Variants in EIF2B3 observed in about 807,000 individuals in gnomAD.
The protein encoded by EIF2B3 is eukaryotic translation initiation factor 2B subunit gamma, also known as translation initiation factor eIF2B subunit gamma.
Under a neutral mutation model 54.1 loss-of-function variants are expected in EIF2B3, and 20 were observed. That is an observed-to-expected ratio of 0.37 (90% CI 0.26 to 0.54). The LOEUF (loss-of-function observed/expected upper bound fraction) is 0.54, where lower values mean the gene tolerates loss of function less well. Ranked by LOEUF, EIF2B3 falls within the 20% of genes least tolerant of loss-of-function variation. The pLI, the probability that EIF2B3 is intolerant of heterozygous loss-of-function variation, is 0.86. For missense variants in EIF2B3, 448 were observed against 547.8 expected (o/e 0.82, Z 1.82); for synonymous variants, 153 against 188.1 (o/e 0.81, Z 1.52).
At chr1:44,871,783 G>A (rs1343425555) in intron 10 of EIF2B3, among the ~76,000 whole-genome samples, 3 of 152,124 alleles carry the variant, frequency 2.0e-5, no homozygotes, top group Non-Finnish European at 4.4e-5. Flanking sequence ...AGGGTAGTTG[G>A]GGAAGGTTCC....
intron 11 of EIF2B3, among the ~76,000 whole-genome samples, chr1:44,852,114 AATTTTTTTT>A (rs1394149271): frequency 1.4e-5 from 2 of 146,280 alleles, no homozygotes; most frequent in East Asian, 4.2e-4. Context: ...ACACATGGCT[AATTTTTTTT>A]TTTTTTTTTT....
intron 3 of EIF2B3, among the ~76,000 whole-genome samples, chr1:44,974,258 T>A (rs1185573796): frequency 6.6e-6 from 1 of 151,438 alleles, no homozygotes; most frequent in Admixed American, 6.6e-5. Context: ...GGGTATCACT[T>A]CTGTCCAGGA....
At chr1:44,879,149 G>C (rs1326928127) in intron 8 of EIF2B3, among the ~76,000 whole-genome samples, 1 of 151,798 alleles carries the variant, frequency 6.6e-6, no homozygotes, top group Non-Finnish European at 1.5e-5. Flanking sequence ...CTTCCTCCTG[G>C]GCCTACTATA....
rs1358287073 is a variant in EIF2B3 at position 44,850,664 on chromosome 1, T to A, written c.*287A>T. ...AAGTAGCCTTCCTAGGAGCTTTACA[T>A]TGGACAGCTGCTGCCCCACCGATAC... On this transcript the variant is annotated 3_prime_UTR_variant, in exon 12 of 12. Transcript: ENST00000360403. 2.0e-6 allele frequency: 1 copy of A among 494,796 alleles called. No individual in the cohort carries two copies. Among genetic ancestry groups the A allele is most frequent in the East Asian group, 3.6e-5 (1 of 27,536 alleles). The allele number at this position is 494,796 out of a possible 1,614,324, so 30.7% of individuals were successfully genotyped here.
intron 6 of EIF2B3, among the ~76,000 whole-genome samples, chr1:44,885,498 T>C (rs1655545551): frequency 6.6e-6 from 1 of 152,174 alleles, no homozygotes; most frequent in South Asian, 2.1e-4. Flanking sequence ...ATTGGCAACA[T>C]TATAGCAAAA....
intron 1 of EIF2B3, among the ~76,000 whole-genome samples, chr1:44,984,794 C>CTTTTT (rs1644552141): frequency 4.4e-5 from 4 of 90,802 alleles, no homozygotes; most frequent in African/African-American, 2.1e-4. Context: ...AAATAATGTC[C>CTTTTT]ATCTTTTTTT....
chr1:44,985,585 A>G (rs1258993482), intron 1 of EIF2B3, among the ~76,000 whole-genome samples: 1 of 152,222 alleles, frequency 6.6e-6, no homozygotes, highest in African/African-American at 2.4e-5. Context: ...ACAACTGTAT[A>G]AGAGTCAAAC....
chr1:44,908,639 T>C (rs1250804050), intron 5 of EIF2B3, among the ~76,000 whole-genome samples: 1 of 152,196 alleles, frequency 6.6e-6, no homozygotes, highest in Non-Finnish European at 1.5e-5. Context: ...CATGATTAGA[T>C]AACTGAGGGC....
At chr1:44,955,015 G>T (rs1244973555) in intron 3 of EIF2B3, among the ~76,000 whole-genome samples, 1 of 152,184 alleles carries the variant, frequency 6.6e-6, no homozygotes, top group African/African-American at 2.4e-5. Flanking sequence ...TTATGTGACA[G>T]ATTATGTTTA....
intron 1 of EIF2B3, among the ~76,000 whole-genome samples, chr1:44,986,203 G>C (rs1203495686): frequency 6.6e-6 from 1 of 150,532 alleles, no homozygotes; most frequent in Admixed American, 6.6e-5. Flanking sequence ...GCAGTGGCGC[G>C]AATTAGGCTC....
intron 11 of EIF2B3, among the ~76,000 whole-genome samples, chr1:44,854,094 C>T (rs1229115673): frequency 2.6e-5 from 4 of 151,660 alleles, no homozygotes; most frequent in Non-Finnish European, 5.9e-5. Flanking sequence ...CCTCCGCCTC[C>T]CAGGTTCAAG....
intron 3 of EIF2B3, among the ~76,000 whole-genome samples, chr1:44,956,501 A>G (rs767859283): frequency 6.6e-6 from 1 of 152,140 alleles, no homozygotes; most frequent in Non-Finnish European, 1.5e-5. Flanking sequence ...AAAAAAATCA[A>G]TAGAAACCAC....
At chr1:44,901,019 A>C (rs1436974661) in intron 5 of EIF2B3, among the ~76,000 whole-genome samples, 1 of 152,058 alleles carries the variant, frequency 6.6e-6, no homozygotes, top group Non-Finnish European at 1.5e-5. Context: ...CATGATCAAA[A>C]CTGCAGCCTA....
chr1:44,978,015 G>A (rs1644470354), intron 3 of EIF2B3, among the ~76,000 whole-genome samples: 1 of 152,132 alleles, frequency 6.6e-6, no homozygotes, highest in Non-Finnish European at 1.5e-5. Flanking sequence ...CGAGGAGGGT[G>A]GATCACCTGA....
intron 4 of EIF2B3, among the ~76,000 whole-genome samples, chr1:44,937,767 C>T (rs1269285907): frequency 1.3e-5 from 2 of 151,734 alleles, no homozygotes; most frequent in Non-Finnish European, 2.9e-5. Flanking sequence ...GCCTGTGGTC[C>T]CAGCTACGCG....
At chr1:44,901,560 T>C (rs1212662366) in intron 5 of EIF2B3, among the ~76,000 whole-genome samples, 1 of 146,894 alleles carries the variant, frequency 6.8e-6, no homozygotes, top group East Asian at 2.0e-4. Flanking sequence ...CTTTTTTTTT[T>C]TTTTTTTTTT....
At chr1:44,962,197 A>G (rs1411060105) in intron 3 of EIF2B3, among the ~76,000 whole-genome samples, 1 of 103,104 alleles carries the variant, frequency 9.7e-6, no homozygotes, top group African/African-American at 3.3e-5. Context: ...CGTCTCAATC[A>G]TCATCAACAT....
chr1:44,942,393 A>ATGTGTG lies in EIF2B3; in HGVS notation c.295-729_295-728insCACACA, dbSNP rs1207924714. On this transcript the variant is annotated intron_variant, in intron 3 of 11. Transcript: ENST00000360403. Reference sequence around the variant, plus strand: ...TTTCTGATTTTATATATATATATATATATATATATATATATATATATATAT... The same window carrying ATGTGTG: ...TTTCTGATTTTATATATATATATATATGTGTGTATATATATATATATATATATATAT... 3.5e-3 allele frequency among the ~76,000 whole-genome samples: 45 copies of ATGTGTG among 12,754 alleles called. 4 individuals carry two copies. The highest frequency in any genetic ancestry group is 0.023 in the African/African-American group (43 of 1,896). 8.4% of individuals were successfully genotyped at this position (12,754 alleles called of 152,430 possible).
chr1:44,984,470 CAA>C (rs960654666), intron 1 of EIF2B3, among the ~76,000 whole-genome samples: 1 of 142,056 alleles, frequency 7.0e-6, no homozygotes, highest in Admixed American at 7.0e-5. Context: ...GACCCTGTCC[CAA>C]AAAAAAAAAG....
Sources: allele counts gnomAD v4.1 joint callset (sites outside exome capture counted in the v4.1 genomes callset), GRCh38; gene constraint gnomAD v4.1.1; transcripts MANE v1.5; gene names NCBI Gene and HGNC (gene_info 2026-07-23, HGNC 2026-07-21).